GRAMD4: variants seen among roughly 807,000 people sequenced by gnomAD.
The protein encoded by GRAMD4 is GRAM domain-containing protein 4.
Under a neutral mutation model 83.9 loss-of-function variants are expected in GRAMD4, and 25 were observed. That is an observed-to-expected ratio of 0.30 (90% CI 0.22 to 0.42). The LOEUF (loss-of-function observed/expected upper bound fraction) is 0.42. Ranked by LOEUF, GRAMD4 falls within the 10% of genes least tolerant of loss-of-function variation. The pLI is 1.00. For missense variants in GRAMD4, 593 were observed against 788.7 expected, an observed-to-expected ratio of 0.75 and a Z score of 2.97; for synonymous variants, 336 against 320.9, an observed-to-expected ratio of 1.05 and a Z score of -0.50.
intron 3 of GRAMD4, among the ~76,000 whole-genome samples, chr22:46,653,895 CTG>C (rs2082203716): frequency 6.6e-6 from 1 of 152,180 alleles, no homozygotes; most frequent in South Asian, 2.1e-4. Context: ...TGTCTCACCT[CTG>C]TGTTCCCACG....
At chr22:46,583,699 G>A (rs913546119) in intron 1 of GRAMD4, among the ~76,000 whole-genome samples, 1 of 152,250 alleles carries the variant, frequency 6.6e-6, no homozygotes, top group Non-Finnish European at 1.5e-5. Context: ...GAAGACCACA[G>A]GGGCATGGTG....
Position 46,623,683 on chromosome 22 carries a change from A to T in GRAMD4, c.-49-3068A>T, listed in dbSNP as rs575438180. Among the ~76,000 whole-genome samples, 150 of 152,024 alleles carry T rather than the reference A, an allele frequency of 9.9e-4. 1 individual carries two copies. Among genetic ancestry groups the T allele is most frequent in the African/African-American group, 3.5e-3 (147 of 41,442 alleles). ...AGTGCTGAGATTACAGGCATGAGCC[A>T]CCATGCCCGGCCTAGTTTCCTTTCT... is the stretch of plus-strand genomic sequence containing the variant. On this transcript the variant is annotated intron_variant, in intron 1 of 18. Transcript: ENST00000406902.
At chr22:46,613,576 G>A (rs2081439136) in intron 1 of GRAMD4, among the ~76,000 whole-genome samples, 1 of 152,216 alleles carries the variant, frequency 6.6e-6, no homozygotes. Flanking sequence ...ACTTGGGCTG[G>A]GTGGCGGCTA....
At chr22:46,597,010 A>G (rs1352338593) in intron 1 of GRAMD4, among the ~76,000 whole-genome samples, 3 of 152,094 alleles carry the variant, frequency 2.0e-5, no homozygotes, top group Non-Finnish European at 2.9e-5. Flanking sequence ...GCGTCCATCC[A>G]TCTGTCAACC....
rs1569254347 is a variant in GRAMD4, at chr22:46,603,513, C to CTTTTT, written c.-49-23237_-49-23236insTTTTT. On this transcript the variant is annotated intron_variant, in intron 1 of 1. Coordinates refer to the GRAMD4 transcript ENST00000431155. ...CATGAGCCACCGCGCCCGGCCTCTT[C>CTTTTT]TCTTTTTTTTTTTTTTTTTTTGAGA... is the stretch of plus-strand genomic sequence containing the variant. Among the ~76,000 whole-genome samples the CTTTTT allele has an allele frequency of 4.7e-3, 501 of 105,948 alleles. 79 individuals carry two copies. Among genetic ancestry groups the CTTTTT allele is most frequent in the Non-Finnish European group, 5.9e-3 (321 of 53,970 alleles). The allele number at this position is 105,948 out of a possible 152,430, so 69.5% of individuals were successfully genotyped here. A position where few individuals can be genotyped will look rare whatever the true frequency, so the allele number is the denominator to read the frequency against.
intron 1 of GRAMD4, among the ~76,000 whole-genome samples, chr22:46,607,145 C>T (rs1334341703): frequency 6.6e-6 from 1 of 152,132 alleles, no homozygotes; most frequent in Admixed American, 6.5e-5. Flanking sequence ...GGTCCCATCC[C>T]CCACCCTGTG....
chr22:46,601,782 C>G (rs2081314459), intron 1 of GRAMD4, among the ~76,000 whole-genome samples: 1 of 152,042 alleles, frequency 6.6e-6, no homozygotes, highest in Non-Finnish European at 1.5e-5. Context: ...GGTGACAGAG[C>G]AAGACCTTGT....
In GRAMD4 at chr22:46,665,636, C is replaced by G; in HGVS notation, c.739C>G (p.His247Asp). ...GCAGGTGTACATGAATGCCGTGTGG[C>G]ATGGCTGGGCCATCCCATTGTTCTT... is the stretch of plus-strand genomic sequence containing the variant. ...AFTVYMNAVW[H>D]GWAIPLFLFL... is the part of the protein sequence containing the mutation. The change falls in exon 9 of 19, where the codon CAT becomes GAT. Residue 247 changes from histidine to aspartate, a missense_variant. His to Asp is a moderately conservative substitution (Grantham distance 81, BLOSUM62 -1). Transcript: ENST00000406902. 1 of 1,596,498 alleles carries G rather than the reference C, an allele frequency of 6.3e-7. No homozygotes were observed. Among genetic ancestry groups the G allele is most frequent in the Non-Finnish European group, 8.6e-7 (1 of 1,164,586 alleles).
At chr22:46,589,787 G>C (rs1222962376) in intron 1 of GRAMD4, among the ~76,000 whole-genome samples, 1 of 152,168 alleles carries the variant, frequency 6.6e-6, no homozygotes, top group African/African-American at 2.4e-5. Context: ...TGACCCACCT[G>C]CTTTGTGTGC....
At chr22:46,576,130 C>T (rs115453035), upstream of GRAMD4, 1,100 of 151,608 alleles carry the variant, frequency 7.3e-3, 14 homozygotes, top group African/African-American at 0.026. Flanking sequence ...ACAGGAAGGG[C>T]GGGGCAGAGC....
intron 3 of GRAMD4, among the ~76,000 whole-genome samples, chr22:46,653,577 G>A (rs2748351): frequency 0.82 from 125,393 of 152,204 alleles, 52,725 homozygotes; most frequent in African/African-American, 0.96. Flanking sequence ...GCTTTGGCCA[G>A]TGCTCTGCCG....
chr22:46,649,363 G>C (rs2082132168), intron 3 of GRAMD4, among the ~76,000 whole-genome samples: 1 of 152,158 alleles, frequency 6.6e-6, no homozygotes, highest in African/African-American at 2.4e-5. Flanking sequence ...GTGCTGTCGA[G>C]CACACGACTC....
At chr22:46,616,605 G>A (rs1601566576), upstream of GRAMD4, among the ~76,000 whole-genome samples, 1 of 127,898 alleles carries the variant, frequency 7.8e-6, no homozygotes, top group Non-Finnish European at 1.6e-5. Context: ...CCTGTGTGTA[G>A]GTTCCCCTGT....
downstream of GRAMD4, among the ~76,000 whole-genome samples, chr22:46,682,644 C>CT (rs1250052963): frequency 3.3e-5 from 5 of 152,254 alleles, no homozygotes; most frequent in African/African-American, 1.2e-4. Flanking sequence ...ACTTCTTTGC[C>CT]TTTTAAAGTG....
At chr22:46,669,921 T>C (rs996376957) in intron 13 of GRAMD4, among the ~76,000 whole-genome samples, 2 of 152,206 alleles carry the variant, frequency 1.3e-5, no homozygotes, top group South Asian at 4.1e-4. Flanking sequence ...TTTCTTTTCT[T>C]TCTCTTTTCC....
At chr22:46,632,220 A>G (rs2081785410) in intron 2 of GRAMD4, among the ~76,000 whole-genome samples, 1 of 152,094 alleles carries the variant, frequency 6.6e-6, no homozygotes, top group East Asian at 1.9e-4. Context: ...AAGGGGAGGT[A>G]AAGGTGGAAG....
chr22:46,668,713 A>G lies in GRAMD4; in HGVS notation c.955A>G (p.Ile319Val). 6.2e-7 allele frequency: 1 copy of G among 1,610,470 alleles called. No homozygotes were observed. Among genetic ancestry groups the G allele is most frequent in the South Asian group, 1.1e-5 (1 of 91,032 alleles). ...AQNLFGKMAD[I>V]LEKIKNLFMW... ...GAACCTTTTCGGGAAGATGGCTGAC[A>G]TCCTGGAGAAGATCAAGAAGTAAGT... The change falls in exon 12 of 19, where the codon ATC (isoleucine) becomes GTC (valine). Residue 319 changes from isoleucine (I) to valine (V), a missense_variant. This residue lies in a region of GRAMD4 where 36 missense variants were observed against 85.8 expected (regional missense o/e 0.42). Transcript: ENST00000406902.
In GRAMD4 at chr22:46,625,327, C is replaced by T. The variant is rs527288090; in HGVS notation, c.-49-1424C>T. The stretch of plus-strand genomic sequence containing the variant: ...TCACTGTTAATGAGTCTTCTTGCCA[C>T]GAACTGTGATGCTGAGGAGAGCGGA... On this transcript the variant is annotated intron_variant, in intron 1 of 18. Transcript: ENST00000406902. 5.9e-5 allele frequency among the ~76,000 whole-genome samples: 9 copies of T among 152,338 alleles called. No homozygotes were observed. In the East Asian group the frequency reaches 9.7e-4, roughly 16 times the overall value.
In GRAMD4 at chr22:46,672,611, G is replaced by A. The variant is rs777043242; in HGVS notation, c.1085-232G>A. 2.6e-5 allele frequency among the ~76,000 whole-genome samples: 4 copies of A among 151,902 alleles called. No homozygotes were observed. The highest frequency in any genetic ancestry group is 2.1e-4 in the South Asian group (1 of 4,828). On this transcript the variant is annotated intron_variant, in intron 13 of 18. Transcript: ENST00000406902. This position sits in a 1 kb window ranked among gnomAD's most constrained non-coding sequence, Gnocchi z 4.7. ...GGGTCTTAGTGGGAGTGGGTGGGGC[G>A]CTGGCAGTGGGGCCCTCGCCTGGGG...
Sources: allele counts gnomAD v4.1 joint callset (sites outside exome capture counted in the v4.1 genomes callset), GRCh38; gene constraint gnomAD v4.1.1; regional missense constraint gnomAD v4.1.1; non-coding constraint Gnocchi (gnomAD v3.1); transcripts MANE v1.5; gene names NCBI Gene and HGNC (gene_info 2026-07-23, HGNC 2026-07-21).